Variants in CLVS1 observed in about 807,000 individuals in gnomAD.
The protein encoded by CLVS1 is clavesin 1, also known as clavesin-1.
Under a neutral mutation model 33.1 loss-of-function variants are expected in CLVS1, and 10 were observed. The ratio of observed to expected loss-of-function variants is 0.30; its 90% CI spans 0.19 to 0.51. The LOEUF (loss-of-function observed/expected upper bound fraction) is 0.51. Among genes scored for constraint, CLVS1 ranks in the 20% least tolerant of loss-of-function variants. The probability of loss-of-function intolerance (pLI) is 0.97; values close to 1 mark genes in which losing one functional copy is unlikely to be tolerated. For missense variants in CLVS1, 343 were observed against 433.4 expected, an observed-to-expected ratio of 0.79 and a Z score of 1.85; for synonymous variants, 163 against 166.1, an observed-to-expected ratio of 0.98 and a Z score of 0.14.
intron 2 of CLVS1, among the ~76,000 whole-genome samples, chr8:61,265,530 A>G (rs1022665053): frequency 2.0e-5 from 3 of 152,230 alleles, no homozygotes; most frequent in Non-Finnish European, 2.9e-5. Flanking sequence ...CGTCAATTCT[A>G]TGAGAGGCTT....
At chr8:61,364,175 C>T (rs1311481588) in intron 2 of CLVS1, among the ~76,000 whole-genome samples, 1 of 152,208 alleles carries the variant, frequency 6.6e-6, no homozygotes, top group Non-Finnish European at 1.5e-5. Flanking sequence ...ATTATTGTTA[C>T]TTGTTAGCCA....
chr8:61,223,158 G>A (rs530975038), intron 2 of CLVS1, among the ~76,000 whole-genome samples: 1 of 152,032 alleles, frequency 6.6e-6, no homozygotes, highest in South Asian at 2.1e-4. Flanking sequence ...CTTTTAATTG[G>A]AGAATTTAGC....
chr8:61,204,742 G>T (rs575934032), intron 2 of CLVS1, among the ~76,000 whole-genome samples: 2 of 152,242 alleles, frequency 1.3e-5, no homozygotes, highest in East Asian at 3.9e-4. Flanking sequence ...GCTCTCACAG[G>T]TCAGGTTATT....
intron 3 of CLVS1, among the ~76,000 whole-genome samples, chr8:61,387,466 C>CTTT (rs372983692): frequency 0.48 from 52,007 of 108,082 alleles, 14,792 homozygotes; most frequent in Non-Finnish European, 0.67. Context: ...TGTACAGTTC[C>CTTT]TTTTTTTTTT....
At chr8:61,052,358 C>T (rs892833558), upstream of CLVS1, among the ~76,000 whole-genome samples, 3 of 152,086 alleles carry the variant, frequency 2.0e-5, no homozygotes, top group Admixed American at 2.0e-4. Context: ...AAAGTACCCA[C>T]TAGGATGGGA....
chr8:61,102,779 G>A (rs1805473856), intron 1 of CLVS1, among the ~76,000 whole-genome samples: 1 of 152,156 alleles, frequency 6.6e-6, no homozygotes, highest in Non-Finnish European at 1.5e-5. Flanking sequence ...AAAAGGAAAA[G>A]AGACAGGGAA....
At chr8:61,233,087 C>T (rs1024836931) in intron 2 of CLVS1, among the ~76,000 whole-genome samples, 16 of 152,172 alleles carry the variant, frequency 1.1e-4, no homozygotes, top group Non-Finnish European at 5.9e-5. Context: ...TGACAAACAC[C>T]TTAACAGGCA....
intron 2 of CLVS1, among the ~76,000 whole-genome samples, chr8:61,301,865 C>A (rs1336029724): frequency 6.6e-6 from 1 of 152,154 alleles, no homozygotes; most frequent in Non-Finnish European, 1.5e-5. Context: ...ATGTTTATGT[C>A]TTTGGTGCAT....
rs1313301060 is a variant in CLVS1, at chr8:61,501,485, G to A, written c.*1943G>A. ...TGTAAGATGATGGCTCAAAAATGACGACTTATAGTTTGAATTTATGTGTAT... is the reference window on the plus strand; with the variant it reads ...TGTAAGATGATGGCTCAAAAATGACAACTTATAGTTTGAATTTATGTGTAT... On this transcript the variant is annotated 3_prime_UTR_variant, in exon 6 of 6. Transcript: ENST00000325897. 6.6e-6 allele frequency: 1 copy of A among 151,958 alleles called. No homozygotes were observed. Among genetic ancestry groups the A allele is most frequent in the Non-Finnish European group, 1.5e-5 (1 of 67,982 alleles). 9.4% of individuals were successfully genotyped at this position (151,958 alleles called of 1,614,324 possible). A position where few individuals can be genotyped will look rare whatever the true frequency, so the allele number is the denominator to read the frequency against.
At chr8:60,984,304 T>C in the CLVS1 span, among the ~76,000 whole-genome samples, 1 of 152,032 alleles carries the variant, frequency 6.6e-6, no homozygotes, top group Non-Finnish European at 1.5e-5. Context: ...TTTTTTCTTT[T>C]TTTCCTCTTC....
intron 2 of CLVS1, among the ~76,000 whole-genome samples, chr8:61,340,065 AAG>A (rs1158824313): frequency 6.7e-6 from 1 of 149,024 alleles, no homozygotes; most frequent in South Asian, 2.1e-4. Flanking sequence ...AAGAAAAAGA[AAG>A]AAAGAAAAAG....
chr8:60,998,498 C>T, the CLVS1 span, among the ~76,000 whole-genome samples: 1 of 152,116 alleles, frequency 6.6e-6, no homozygotes, highest in Non-Finnish European at 1.5e-5. Context: ...GCCTCCCTGC[C>T]TGTTTGGCTA....
At chr8:61,269,890 T>A (rs1354224311) in intron 2 of CLVS1, among the ~76,000 whole-genome samples, 24 of 149,658 alleles carry the variant, frequency 1.6e-4, no homozygotes, top group Non-Finnish European at 2.8e-4. Flanking sequence ...CTGAAGTTGC[T>A]TATCAGCTTA....
chr8:61,472,305 T>C (rs973826984), intron 5 of CLVS1, among the ~76,000 whole-genome samples: 1 of 151,990 alleles, frequency 6.6e-6, no homozygotes, highest in Non-Finnish European at 1.5e-5. Context: ...TTCCCTAGTA[T>C]ATAATAGGTG....
Position 61,397,815 on chromosome 8 carries a change from T to C in CLVS1, c.630+21036T>C, listed in dbSNP as rs190907220. Reference sequence around the variant, plus strand: ...TTGTTGGAAATCAATTGACCATAAATGTAAGGGTTTATTTCTGGTCCCTCA... The same window carrying C: ...TTGTTGGAAATCAATTGACCATAAACGTAAGGGTTTATTTCTGGTCCCTCA... On this transcript the variant is annotated intron_variant, in intron 3 of 5. Coordinates refer to ENST00000325897, the MANE Select transcript of CLVS1 (RefSeq NM_173519.3). 3.9e-5 allele frequency among the ~76,000 whole-genome samples: 6 copies of C among 152,298 alleles called. No homozygotes were observed. The East Asian group carries it at 1.2e-3, about 29-fold the overall frequency.
At chr8:61,332,808 G>T (rs1811648542) in intron 2 of CLVS1, among the ~76,000 whole-genome samples, 1 of 151,932 alleles carries the variant, frequency 6.6e-6, no homozygotes, top group Non-Finnish European at 1.5e-5. Context: ...TGCCCGGGTA[G>T]GTTTTTAGTA....
chr8:61,356,000 C>G (rs1812687966), intron 2 of CLVS1, among the ~76,000 whole-genome samples: 1 of 152,212 alleles, frequency 6.6e-6, no homozygotes, highest in Admixed American at 6.5e-5. Context: ...CTGACTTCCA[C>G]AATGATTGAA....
At chr8:61,047,580 G>A in the CLVS1 span, among the ~76,000 whole-genome samples, 8 of 152,120 alleles carry the variant, frequency 5.3e-5, no homozygotes, top group African/African-American at 1.9e-4. Flanking sequence ...AAGAAAAAGG[G>A]GCACATATAC....
chr8:61,472,658 T>G (rs1239315203), intron 5 of CLVS1, among the ~76,000 whole-genome samples: 6 of 152,182 alleles, frequency 3.9e-5, no homozygotes, highest in Admixed American at 2.0e-4. Context: ...TAAAATAATT[T>G]TTAAAAATTT....
Sources: allele counts gnomAD v4.1 joint callset (sites outside exome capture counted in the v4.1 genomes callset), GRCh38; gene constraint gnomAD v4.1.1; transcripts MANE v1.5; gene names NCBI Gene and HGNC (gene_info 2026-07-23, HGNC 2026-07-21).